The following DNM2 variants were observed in gnomAD, a reference collection of about 807,000 sequenced individuals.
The protein encoded by DNM2 is dynamin 2.
DNM2 carries 15 observed loss-of-function variants against 99.0 expected under a neutral mutation model. That is an observed-to-expected ratio of 0.15 (90% CI 0.10 to 0.23). The LOEUF (loss-of-function observed/expected upper bound fraction) is 0.23. DNM2 is among the 10% of genes least tolerant of loss of function. The pLI is 1.00. For synonymous variants in DNM2, 525 were observed against 481.2 expected (o/e 1.09, Z -1.19); for missense variants, 742 against 1,189.4 (o/e 0.62, Z 5.53).
intron 1 of DNM2, among the ~76,000 whole-genome samples, chr19:10,728,044 C>A (rs769619910): frequency 6.6e-6 from 1 of 152,162 alleles, no homozygotes; most frequent in Non-Finnish European, 1.5e-5. Flanking sequence ...CGCCTGCTTC[C>A]GGGTGCGTTT....
rs759187856 is a variant in DNM2, at chr19:10,812,203, C to A, written c.1558-61C>A. ...CACTGAGCTGTGGGCAAGGCTGCTG[C>A]GCTGGGGGATGGCTGGGGCACGGAG... On this transcript the variant is annotated intron_variant, in intron 14 of 20. Transcript: ENST00000389253. This position sits in a 1 kb window ranked among gnomAD's most constrained non-coding sequence, Gnocchi z 4.0. 1.2e-5 allele frequency: 18 copies of A among 1,444,986 alleles called. 1 individual carries two copies. In the African/African-American group the frequency reaches 2.4e-4, roughly 19 times the overall value. The allele number at this position is 1,444,986 out of a possible 1,614,324, so 89.5% of individuals were successfully genotyped here.
rs757723723 is a variant in DNM2 at position 10,797,542 on chromosome 19, C to A, written c.1335+24C>A. 1.9e-6 allele frequency: 3 copies of A among 1,613,644 alleles called. No individual in the cohort carries two copies. The South Asian group carries it at 3.3e-5, about 18-fold the overall frequency. ...AGGTAACAGGTTTTGTTCTCATCTC[C>A]GCATTTGTCCCCGTCCTCCCCCTCC... On this transcript the variant is annotated intron_variant, in intron 10 of 20. Coordinates refer to ENST00000389253, the MANE Select transcript of DNM2 (RefSeq NM_001005361.3).
chr19:10,751,713 C>T (rs369363700), intron 1 of DNM2, among the ~76,000 whole-genome samples: 46 of 152,346 alleles, frequency 3.0e-4, no homozygotes, highest in African/African-American at 1.0e-3. Flanking sequence ...GCCTGGCATG[C>T]GAGGCCCTCT....
At chr19:10,727,583 T>C (rs1215696137) in intron 1 of DNM2, among the ~76,000 whole-genome samples, 5 of 151,950 alleles carry the variant, frequency 3.3e-5, no homozygotes, top group Non-Finnish European at 7.4e-5. Flanking sequence ...TTGCCCAGGC[T>C]AGTCTCAAAC....
intron 10 of DNM2, 94 bp from the exon 11 acceptor site, chr19:10,798,392 C>T (rs2072015308): frequency 5.3e-6 from 4 of 747,736 alleles, no homozygotes; most frequent in South Asian, 4.9e-5. Context: ...TATCTCATTC[C>T]CCACCCCCCT....
At chr19:10,777,760 A>T (rs568381894) in intron 5 of DNM2, among the ~76,000 whole-genome samples, 10 of 151,930 alleles carry the variant, frequency 6.6e-5, no homozygotes, top group African/African-American at 2.2e-4. Context: ...ACGCCCAGCT[A>T]GTTTTTGTAT....
Position 10,820,329 on chromosome 19 carries a change from G to T in DNM2, c.1781+240G>T, listed in dbSNP as rs1034556746. ...GAAGGCAGGCTCCGAGTCAGTGGGA[G>T]CCATGGAGAGTTCTGAGCACAGGGT... On this transcript the variant is annotated intron_variant, in intron 16 of 20. Coordinates refer to ENST00000389253, the MANE Select transcript of DNM2 (RefSeq NM_001005361.3). The surrounding 1 kb of genome is among the most constrained non-coding windows in gnomAD (Gnocchi z 4.3). 6.6e-6 allele frequency among the ~76,000 whole-genome samples: 1 copy of T among 152,260 alleles called. No individual in the cohort carries two copies. Among genetic ancestry groups the T allele is most frequent in the Non-Finnish European group, 1.5e-5 (1 of 68,046 alleles).
chr19:10,772,412 C>A lies in DNM2; in HGVS notation c.236-67C>A. On this transcript the variant is annotated intron_variant, in intron 2 of 20. Coordinates refer to ENST00000389253, the MANE Select transcript of DNM2 (RefSeq NM_001005361.3). This position sits in a 1 kb window ranked among gnomAD's most constrained non-coding sequence, Gnocchi z 4.9. ...TACTTTCATTCAACAAAGCATTTCT[C>A]CCCGCAGTCCATGCGCACCCTGCCC... 1 of 1,598,310 alleles carries A rather than the reference C, an allele frequency of 6.3e-7. No individual in the cohort carries two copies. Among genetic ancestry groups the A allele is most frequent in the South Asian group, 1.1e-5 (1 of 90,656 alleles).
At chr19:10,737,433 A>G (rs1288748528) in intron 1 of DNM2, among the ~76,000 whole-genome samples, 1 of 151,886 alleles carries the variant, frequency 6.6e-6, no homozygotes, top group Non-Finnish European at 1.5e-5. Flanking sequence ...TCCCCTGCTT[A>G]ATTTTTCTTG....
chr19:10,802,645 C>T, intron 12 of DNM2: 2 of 489,554 alleles, frequency 4.1e-6, no homozygotes, highest in Non-Finnish European at 7.5e-6. Context: ...CAGCCAGCTG[C>T]TGCACCCCCT....
intron 1 of DNM2, among the ~76,000 whole-genome samples, chr19:10,744,488 A>G (rs2145779875): frequency 6.6e-6 from 1 of 152,216 alleles, no homozygotes; most frequent in Admixed American, 6.5e-5. Flanking sequence ...GGAGGGAACT[A>G]GAACGTGTTT....
In DNM2 at chr19:10,820,174, C is replaced by A; in HGVS notation, c.1781+85C>A. 7.4e-7 allele frequency: 1 copy of A among 1,346,746 alleles called. No individual in the cohort carries two copies. The highest frequency in any genetic ancestry group is 1.1e-6 in the Non-Finnish European group (1 of 942,152). The allele number at this position is 1,346,746 out of a possible 1,614,324, so 83.4% of individuals were successfully genotyped here. ...TCCACAACCTTCACTGAGCACTGAG[C>A]ACCTGGCTGTCAGCAGTCCCTGCCC... is the stretch of plus-strand genomic sequence containing the variant. On this transcript the variant is annotated intron_variant, in intron 16 of 20. Transcript: ENST00000389253. The surrounding 1 kb of genome is among the most constrained non-coding windows in gnomAD (Gnocchi z 4.3).
chr19:10,758,299 C>CTCCTTCCTTCCCTCCT (rs2070473358), intron 1 of DNM2, among the ~76,000 whole-genome samples: 2 of 89,318 alleles, frequency 2.2e-5, no homozygotes, highest in African/African-American at 9.2e-5. Context: ...CCTTCCCTCC[C>CTCCTTCCTTCCCTCCT]TCCTTCCCTC....
intron 14 of DNM2, chr19:10,809,444 T>A (rs2146097363): frequency 6.6e-6 from 1 of 152,440 alleles, no homozygotes; most frequent in South Asian, 2.1e-4. Context: ...TTGACATGGC[T>A]CCCGAGATGA....
At chr19:10,783,365 G>A (rs897556314) in intron 6 of DNM2, among the ~76,000 whole-genome samples, 1 of 152,208 alleles carries the variant, frequency 6.6e-6, no homozygotes, top group Non-Finnish European at 1.5e-5. Context: ...TACTCAGGAG[G>A]CTGAGGCAGG....
intron 13 of DNM2, among the ~76,000 whole-genome samples, chr19:10,806,920 T>C (rs1384667889): frequency 1.3e-5 from 2 of 152,062 alleles, no homozygotes; most frequent in Non-Finnish European, 2.9e-5. Flanking sequence ...GGAAACTACA[T>C]TGTCACTAGC....
At chr19:10,829,529 GC>G (rs1425725800) in intron 19 of DNM2, among the ~76,000 whole-genome samples, 1 of 152,200 alleles carries the variant, frequency 6.6e-6, no homozygotes, top group Admixed American at 6.5e-5. Flanking sequence ...CATTGGCACA[GC>G]CCAAATGGAA....
intron 8 of DNM2, among the ~76,000 whole-genome samples, chr19:10,794,587 C>CA (rs1399517075): frequency 6.6e-6 from 1 of 151,798 alleles, no homozygotes; most frequent in Non-Finnish European, 1.5e-5. Flanking sequence ...ACTAAAAATA[C>CA]AAAAATTATC....
chr19:10,752,053 T>G (rs2070215621), intron 1 of DNM2, among the ~76,000 whole-genome samples: 1 of 152,142 alleles, frequency 6.6e-6, no homozygotes, highest in South Asian at 2.1e-4. Flanking sequence ...AACATTTGAA[T>G]TTTTGTAGAT....
Sources: allele counts gnomAD v4.1 joint callset (sites outside exome capture counted in the v4.1 genomes callset), GRCh38; gene constraint gnomAD v4.1.1; non-coding constraint Gnocchi (gnomAD v3.1); transcripts MANE v1.5; gene names NCBI Gene and HGNC (gene_info 2026-07-23, HGNC 2026-07-21).